Variants in OSBPL9 observed in about 807,000 individuals in gnomAD.
OSBPL9 encodes oxysterol-binding protein-related protein 9.
OSBPL9 carries 40 observed loss-of-function variants against 106.6 expected under a neutral mutation model. That is an observed-to-expected ratio of 0.38 (90% CI 0.29 to 0.49). The LOEUF (loss-of-function observed/expected upper bound fraction) is 0.49. Among genes scored for constraint, OSBPL9 ranks in the 20% least tolerant of loss-of-function variants. The pLI is 0.97. For missense variants in OSBPL9, 609 were observed against 887.2 expected (o/e 0.69, Z 3.98); for synonymous variants, 269 against 295.4 (o/e 0.91, Z 0.92).
At chr1:51,698,124 A>G (rs1409824163) in intron 3 of OSBPL9, among the ~76,000 whole-genome samples, 1 of 152,184 alleles carries the variant, frequency 6.6e-6, no homozygotes, top group Non-Finnish European at 1.5e-5. Flanking sequence ...TGAGAAAAGT[A>G]AAGCTTAGAG....
intron 3 of OSBPL9, among the ~76,000 whole-genome samples, chr1:51,670,852 T>C (rs1649702826): frequency 6.6e-6 from 1 of 152,226 alleles, no homozygotes; most frequent in Admixed American, 6.5e-5. Context: ...AACTCTTTAC[T>C]TGAATGAAGT....
chr1:51,734,403 G>C (rs1665182802), intron 4 of OSBPL9, among the ~76,000 whole-genome samples: 1 of 152,212 alleles, frequency 6.6e-6, no homozygotes, highest in Admixed American at 6.5e-5. Flanking sequence ...CTAAATGACA[G>C]AGTTTGCTTG....
At chr1:51,767,084 AAAC>A (rs1014199765) in intron 12 of OSBPL9, among the ~76,000 whole-genome samples, 2 of 151,852 alleles carry the variant, frequency 1.3e-5, no homozygotes, top group Non-Finnish European at 2.9e-5. Context: ...GTTTCCAAAC[AAAC>A]AACAACAACA....
intron 1 of OSBPL9, among the ~76,000 whole-genome samples, chr1:51,626,859 G>T (rs144499695): frequency 1.3e-5 from 2 of 152,060 alleles, no homozygotes; most frequent in African/African-American, 4.8e-5. Context: ...TTGTTCTTCT[G>T]CTGCTGCTTA....
At chr1:51,761,678 C>G (rs1394826762) in intron 10 of OSBPL9, among the ~76,000 whole-genome samples, 189 bp from the exon 11 acceptor site, 1 of 152,098 alleles carries the variant, frequency 6.6e-6, no homozygotes, top group African/African-American at 2.4e-5. Context: ...TCTTAGTACT[C>G]TGTAGCCTAT....
chr1:51,541,077 G>A, the OSBPL9 span, among the ~76,000 whole-genome samples: 1 of 152,116 alleles, frequency 6.6e-6, no homozygotes, highest in African/African-American at 2.4e-5. Context: ...GTTGCAGTGA[G>A]CCAAGATCAT....
At chr1:51,535,857 G>A in the OSBPL9 span, among the ~76,000 whole-genome samples, 4 of 151,818 alleles carry the variant, frequency 2.6e-5, no homozygotes, top group Non-Finnish European at 4.4e-5. Flanking sequence ...ATGAACCACC[G>A]TGCCCACCTT....
At chr1:51,682,218 A>G (rs1000137758) in intron 3 of OSBPL9, among the ~76,000 whole-genome samples, 1 of 151,954 alleles carries the variant, frequency 6.6e-6, no homozygotes, top group Admixed American at 6.6e-5. Flanking sequence ...AAAAAATTAC[A>G]TTATTTTTAC....
intron 1 of OSBPL9, among the ~76,000 whole-genome samples, chr1:51,628,283 C>T (rs570174997): frequency 3.9e-5 from 6 of 152,266 alleles, no homozygotes; most frequent in East Asian, 1.9e-4. Flanking sequence ...ATTCTACAAC[C>T]TAAAAGCATT....
chr1:51,735,590 G>C, intron 4 of OSBPL9, among the ~76,000 whole-genome samples: 1 of 152,160 alleles, frequency 6.6e-6, no homozygotes, highest in East Asian at 1.9e-4. Context: ...ATTATTTGTA[G>C]ACAGATATAT....
At chr1:51,755,437 A>T (rs1267011922) in intron 8 of OSBPL9, among the ~76,000 whole-genome samples, 1 of 152,190 alleles carries the variant, frequency 6.6e-6, no homozygotes, top group Non-Finnish European at 1.5e-5. Context: ...TTTACTTAGG[A>T]TTCTTTGACT....
intron 2 of OSBPL9, among the ~76,000 whole-genome samples, chr1:51,667,205 T>G (rs1053017490): frequency 3.9e-5 from 6 of 152,346 alleles, no homozygotes; most frequent in African/African-American, 9.6e-5. Flanking sequence ...TGCAATAGCT[T>G]TGTTGAGATA....
chr1:51,662,740 G>GA, intron 2 of OSBPL9, among the ~76,000 whole-genome samples: 1 of 142,132 alleles, frequency 7.0e-6, no homozygotes. Context: ...AAAAATCAAC[G>GA]AATTTTTTTT....
At chr1:51,742,808 T>C (rs529941099) in intron 4 of OSBPL9, among the ~76,000 whole-genome samples, 6 of 152,256 alleles carry the variant, frequency 3.9e-5, no homozygotes, top group South Asian at 2.1e-4. Context: ...GTGTTCTAAA[T>C]GTTGAATGGA....
rs1648890324 is a variant in OSBPL9 at position 51,667,859 on chromosome 1, G to A, written c.163-1575G>A. Among the ~76,000 whole-genome samples, 5 of 152,334 alleles carry A rather than the reference G, an allele frequency of 3.3e-5. No homozygotes were observed. The South Asian group carries it at 8.3e-4, about 25-fold the overall frequency. On this transcript the variant is annotated intron_variant, in intron 2 of 23. Transcript: ENST00000428468. ...TAAGGCTTTGTGTGACCTTGGGCAA[G>A]TCATTATACTCTCTGGAGACACTTT...
chr1:51,749,571 A>G (rs1668786032), intron 7 of OSBPL9: 1 of 398,254 alleles, frequency 2.5e-6, no homozygotes, highest in East Asian at 7.4e-5. Context: ...TTGGCCTACC[A>G]AAGCAGTGGG....
At chr1:51,674,462 G>A (rs548311513) in intron 3 of OSBPL9, among the ~76,000 whole-genome samples, 54 of 152,280 alleles carry the variant, frequency 3.5e-4, no homozygotes, top group African/African-American at 9.6e-4. Flanking sequence ...GAATATAGGA[G>A]AGCAGAGGTA....
chr1:51,712,192 C>G (rs1442518052), intron 3 of OSBPL9, among the ~76,000 whole-genome samples: 3 of 152,254 alleles, frequency 2.0e-5, no homozygotes, highest in Admixed American at 2.0e-4. Context: ...TGGCGGATCA[C>G]TCGCGGTTAG....
chr1:51,582,658 G>A (rs1645227273), intron 1 of OSBPL9, among the ~76,000 whole-genome samples: 1 of 151,944 alleles, frequency 6.6e-6, no homozygotes, highest in African/African-American at 2.4e-5. Flanking sequence ...TTTCCTTCCT[G>A]CCTCCCTCCT....
Sources: gnomAD v4.1 joint callset for allele counts (sites outside exome capture counted in the v4.1 genomes callset) on GRCh38, gnomAD v4.1.1 for gene constraint, MANE v1.5 for transcripts, NCBI Gene and HGNC (gene_info 2026-07-23, HGNC 2026-07-21) for gene names.